The following TRMT11 variants were observed in gnomAD, a reference collection of about 807,000 sequenced individuals.
TRMT11 encodes the protein tRNA (guanine(10)-N(2))-methyltransferase TRMT11.
A neutral mutation model predicts 62.8 loss-of-function variants in TRMT11; 53 were observed. That is an observed-to-expected ratio of 0.84 (90% CI 0.68 to 1.06). The LOEUF (loss-of-function observed/expected upper bound fraction) is 1.06, where lower values mean the gene tolerates loss of function less well. TRMT11 is among the 50% of genes least tolerant of loss of function. The pLI is 0.00. For synonymous variants in TRMT11, 188 were observed against 190.3 expected, an observed-to-expected ratio of 0.99 and a Z score of 0.10; for missense variants, 556 against 553.4, an observed-to-expected ratio of 1.00 and a Z score of -0.05.
At chr6:126,051,166 A>G (rs1033616222) in intron 16 of TRMT11, among the ~76,000 whole-genome samples, 1 of 152,204 alleles carries the variant, frequency 6.6e-6, no homozygotes, top group Admixed American at 6.5e-5. Context: ...CATAAAGCAT[A>G]AGTACAGTTT....
chr6:126,168,387 A>G, intron 21 of TRMT11, among the ~76,000 whole-genome samples: 1 of 152,342 alleles, frequency 6.6e-6, no homozygotes, highest in Non-Finnish European at 1.5e-5. Context: ...AATGGAAAGA[A>G]AATGCTCTCA....
At chr6:126,147,644 C>T (rs1195107181) in intron 21 of TRMT11, among the ~76,000 whole-genome samples, 1 of 152,056 alleles carries the variant, frequency 6.6e-6, no homozygotes, top group Non-Finnish European at 1.5e-5. Flanking sequence ...TACCTCATGT[C>T]CTCACTCTCC....
chr6:126,182,128 A>G (rs1227187017), intron 1 of TRMT11, among the ~76,000 whole-genome samples: 2 of 152,200 alleles, frequency 1.3e-5, no homozygotes, highest in Non-Finnish European at 2.9e-5. Context: ...AATATTACGT[A>G]TTAACATAAA....
chr6:126,009,675 G>A (rs982328499), intron 8 of TRMT11, among the ~76,000 whole-genome samples: 1 of 151,904 alleles, frequency 6.6e-6, no homozygotes, highest in African/African-American at 2.4e-5. Context: ...ACATTTATTA[G>A]GAAAATGAGT....
chr6:126,116,354 C>G (rs1234495155), intron 21 of TRMT11, among the ~76,000 whole-genome samples: 1 of 152,042 alleles, frequency 6.6e-6, no homozygotes, highest in Non-Finnish European at 1.5e-5. Flanking sequence ...TTTGCTAGGT[C>G]TGTCTTAGCT....
chr6:126,132,383 G>A (rs1186344895), intron 21 of TRMT11, among the ~76,000 whole-genome samples: 2 of 151,974 alleles, frequency 1.3e-5, no homozygotes, highest in African/African-American at 2.4e-5. Flanking sequence ...CCAAGAAAGT[G>A]AAAATGACCT....
chr6:126,255,254 G>A, the TRMT11 span, among the ~76,000 whole-genome samples: 1 of 152,024 alleles, frequency 6.6e-6, no homozygotes, highest in East Asian at 1.9e-4. Context: ...TCTGAGAATC[G>A]CTATAGCTAG....
At chr6:126,096,388 C>T (rs1310379902) in intron 17 of TRMT11, among the ~76,000 whole-genome samples, 2 of 152,152 alleles carry the variant, frequency 1.3e-5, no homozygotes, top group Non-Finnish European at 2.9e-5. Flanking sequence ...TTCTGTAGAT[C>T]ATAGGTCACC....
downstream of TRMT11, among the ~76,000 whole-genome samples, chr6:126,043,749 A>C (rs1403261836): frequency 6.7e-6 from 1 of 150,236 alleles, no homozygotes; most frequent in African/African-American, 2.4e-5. Flanking sequence ...TGCCATTCTA[A>C]CTGGTGTGAG....
At chr6:126,053,140 A>G (rs1352596545) in exon 17 of TRMT11, among the ~76,000 whole-genome samples, 1 of 151,998 alleles carries the variant, frequency 6.6e-6, no homozygotes, top group African/African-American at 2.4e-5. Flanking sequence ...ACATAGTCCT[A>G]TCCTCAATGA....
intron 1 of TRMT11, among the ~76,000 whole-genome samples, chr6:126,192,673 T>C (rs925583329): frequency 6.6e-6 from 1 of 152,186 alleles, no homozygotes; most frequent in African/African-American, 2.4e-5. Context: ...TTTTATCAAA[T>C]AATTTTTCAA....
At chr6:126,130,911 T>C (rs975001291) in intron 21 of TRMT11, among the ~76,000 whole-genome samples, 4 of 152,142 alleles carry the variant, frequency 2.6e-5, no homozygotes, top group African/African-American at 9.6e-5. Context: ...CAGAGTATTC[T>C]CTATGAATAC....
At chr6:126,220,803 T>A in the TRMT11 span, among the ~76,000 whole-genome samples, 1 of 152,124 alleles carries the variant, frequency 6.6e-6, no homozygotes, top group Non-Finnish European at 1.5e-5. Flanking sequence ...TGTGCAGGTT[T>A]GTTATATGGG....
At chr6:125,995,913 A>G (rs531429221) in intron 2 of TRMT11, 54 bp from the exon 3 acceptor site, 5 of 1,059,590 alleles carry the variant, frequency 4.7e-6, no homozygotes, top group African/African-American at 3.1e-5. Flanking sequence ...GAATAAAAGC[A>G]TATGAGGCCA....
At chr6:126,024,703 C>G (rs963354976) in intron 12 of TRMT11, among the ~76,000 whole-genome samples, 1 of 152,200 alleles carries the variant, frequency 6.6e-6, no homozygotes, top group Non-Finnish European at 1.5e-5. Flanking sequence ...TTCCATTACA[C>G]TAACCATCAC....
chr6:126,019,481 T>C (rs1193598789), intron 11 of TRMT11, among the ~76,000 whole-genome samples: 1 of 152,184 alleles, frequency 6.6e-6, no homozygotes, highest in Non-Finnish European at 1.5e-5. Context: ...GATCTAAACA[T>C]GAAGAGTTTA....
chr6:126,161,407 G>T (rs1778188806), intron 21 of TRMT11, among the ~76,000 whole-genome samples: 1 of 152,198 alleles, frequency 6.6e-6, no homozygotes, highest in South Asian at 2.1e-4. Context: ...CAAAGGACAT[G>T]AACTCATTCT....
At chr6:126,008,509 T>C in intron 8 of TRMT11, 37 bp downstream of exon 8, 3 of 1,546,930 alleles carry the variant, frequency 1.9e-6, no homozygotes, top group Non-Finnish European at 2.7e-6. Context: ...TAGTCATTGC[T>C]GTGGTGCCAA....
chr6:126,028,951 A>T (rs996378904), intron 12 of TRMT11, among the ~76,000 whole-genome samples: 1 of 152,196 alleles, frequency 6.6e-6, no homozygotes, highest in Admixed American at 6.5e-5. Flanking sequence ...TACTAGTGTT[A>T]TAAGAATCTT....
Sources: gnomAD v4.1 joint callset for allele counts (sites outside exome capture counted in the v4.1 genomes callset) on GRCh38, gnomAD v4.1.1 for gene constraint, MANE v1.5 for transcripts, NCBI Gene and HGNC (gene_info 2026-07-23, HGNC 2026-07-21) for gene names.